PCDHGA4: variants seen among roughly 807,000 people sequenced by gnomAD.
PCDHGA4 encodes the protein protocadherin gamma subfamily A, 4.
PCDHGA4 carries 38 observed loss-of-function variants against 54.6 expected under a neutral mutation model. The observed-to-expected ratio is 0.70, with a 90% CI of 0.54 to 0.91. The LOEUF (loss-of-function observed/expected upper bound fraction) is 0.91. Among genes scored for constraint, PCDHGA4 ranks in the 40% least tolerant of loss-of-function variants. The pLI is 0.00. For synonymous variants in PCDHGA4, 511 were observed against 512.9 expected, an observed-to-expected ratio of 1.00 and a Z score of 0.05; for missense variants, 1,298 against 1,220.9, an observed-to-expected ratio of 1.06 and a Z score of -0.94.
At chr5:141,418,409 G>C in intron 1 of PCDHGA4, 4 of 1,613,910 alleles carry the variant, frequency 2.5e-6, no homozygotes, top group Admixed American at 1.7e-5. Context: ...GGTGGAGAAA[G>C]ACAATCCTGA....
At chr5:141,509,454 G>T (rs1164813611) in intron 3 of PCDHGA4, among the ~76,000 whole-genome samples, 2 of 151,976 alleles carry the variant, frequency 1.3e-5, no homozygotes, top group African/African-American at 2.4e-5. Flanking sequence ...TCCCACCCCC[G>T]ACCCAGTCAG....
At chr5:141,381,496 A>G (rs139374379) in intron 1 of PCDHGA4, among the ~76,000 whole-genome samples, 67 of 152,346 alleles carry the variant, frequency 4.4e-4, no homozygotes, top group African/African-American at 1.4e-3. Flanking sequence ...TCTCAATTAC[A>G]CTAGAATAGA....
intron 1 of PCDHGA4, chr5:141,478,111 A>G (rs2099430294): frequency 1.2e-6 from 2 of 1,613,982 alleles, no homozygotes; most frequent in Admixed American, 1.7e-5. Context: ...TCACTGTGTC[A>G]GTAACCGAGG....
At chr5:141,496,262 C>G (rs934511905) in intron 2 of PCDHGA4, among the ~76,000 whole-genome samples, 3 of 152,158 alleles carry the variant, frequency 2.0e-5, no homozygotes, top group African/African-American at 7.2e-5. Flanking sequence ...GAAACTTCAG[C>G]AGAAAGACCT....
intron 1 of PCDHGA4, chr5:141,375,976 C>T: frequency 6.2e-7 from 1 of 1,613,390 alleles, no homozygotes; most frequent in South Asian, 1.1e-5. Context: ...CGGCGCGCGC[C>T]CTGCTGGACA....
intron 1 of PCDHGA4, among the ~76,000 whole-genome samples, chr5:141,387,391 A>T (rs1029358024): frequency 4.6e-5 from 7 of 152,220 alleles, no homozygotes; most frequent in Non-Finnish European, 1.0e-4. Context: ...TAGATAGTGC[A>T]TGTTTGAAGA....
rs2099624335 is a variant in PCDHGA4 at position 141,486,093 on chromosome 5, C to T, written c.2515-8714C>T. On this transcript the variant is annotated intron_variant, in intron 1 of 3. Coordinates refer to ENST00000571252, the MANE Select transcript of PCDHGA4 (RefSeq NM_018917.4). This position sits in a 1 kb window ranked among gnomAD's most constrained non-coding sequence, Gnocchi z 5.0. ...ACTGGAAAGCTTACTCTTTTGGGGC[C>T]CCTAGACTTTGAGAGTGAGAATTAC... 1 of 1,614,112 alleles carries T rather than the reference C, an allele frequency of 6.2e-7. No homozygotes were observed. The highest frequency in any genetic ancestry group is 8.5e-7 in the Non-Finnish European group (1 of 1,180,008).
intron 1 of PCDHGA4, chr5:141,370,166 G>T: frequency 2.2e-6 from 1 of 458,978 alleles, no homozygotes; most frequent in East Asian, 3.2e-5. Flanking sequence ...CTGCAGCAGA[G>T]GCGCCGGGTG....
chr5:141,475,013 G>T (rs950376592), intron 1 of PCDHGA4, among the ~76,000 whole-genome samples: 1 of 152,176 alleles, frequency 6.6e-6, no homozygotes, highest in African/African-American at 2.4e-5. Context: ...AAAAGTTAAG[G>T]CTCTTTATTC....
At chr5:141,482,205 C>T (rs1478729653) in intron 1 of PCDHGA4, among the ~76,000 whole-genome samples, 1 of 151,896 alleles carries the variant, frequency 6.6e-6, no homozygotes, top group Non-Finnish European at 1.5e-5. Context: ...TAAAACAGAC[C>T]AGGTACTTGT....
At chr5:141,502,887 G>T (rs2099816882) in intron 2 of PCDHGA4, among the ~76,000 whole-genome samples, 1 of 40,910 alleles carries the variant, frequency 2.4e-5, no homozygotes, top group Non-Finnish European at 4.5e-5. Context: ...TTTTGACAGG[G>T]AGTCTAGCTC....
chr5:141,363,505 C>T (rs1762954025), intron 1 of PCDHGA4, among the ~76,000 whole-genome samples: 1 of 152,194 alleles, frequency 6.6e-6, no homozygotes, highest in Non-Finnish European at 1.5e-5. Flanking sequence ...AAACCCCATC[C>T]TCCACAGTTA....
chr5:141,508,867 G>A (rs2099872497), intron 3 of PCDHGA4, among the ~76,000 whole-genome samples: 1 of 152,108 alleles, frequency 6.6e-6, no homozygotes. Flanking sequence ...GGGAAAGGCT[G>A]AAGAGGCTGA....
At chr5:141,372,670 A>G (rs1383646459) in intron 1 of PCDHGA4, 4 of 1,613,908 alleles carry the variant, frequency 2.5e-6, no homozygotes, top group Non-Finnish European at 3.4e-6. Flanking sequence ...GCTGCCTCAC[A>G]TTCCTCAAAC....
At chr5:141,373,625 T>C (rs941241888) in intron 1 of PCDHGA4, among the ~76,000 whole-genome samples, 3 of 152,254 alleles carry the variant, frequency 2.0e-5, no homozygotes, top group African/African-American at 7.2e-5. Context: ...GATTGTAATA[T>C]TATTTCTGTT....
intron 1 of PCDHGA4, chr5:141,422,579 C>T: frequency 6.2e-7 from 1 of 1,614,052 alleles, no homozygotes; most frequent in Non-Finnish European, 8.5e-7. Flanking sequence ...GATAACCCTC[C>T]CGTTTTTCCT....
chr5:141,497,877 G>C (rs1057284578), intron 2 of PCDHGA4, among the ~76,000 whole-genome samples: 6 of 152,148 alleles, frequency 3.9e-5, no homozygotes, highest in Admixed American at 2.6e-4. Context: ...AGTGAAATAA[G>C]CGTTAGGATC....
At chr5:141,389,513 C>G (rs749432491) in intron 1 of PCDHGA4, 2 of 1,613,038 alleles carry the variant, frequency 1.2e-6, no homozygotes, top group African/African-American at 1.3e-5. Flanking sequence ...TCAGCGCGAA[C>G]GTGAGCCTGC....
chr5:141,482,588 C>T (rs559327092), intron 1 of PCDHGA4, among the ~76,000 whole-genome samples: 3 of 147,192 alleles, frequency 2.0e-5, no homozygotes, highest in Admixed American at 6.8e-5. Context: ...GCAGTGGGAC[C>T]AAACGGGAAA....
Sources: gnomAD v4.1 joint callset for allele counts (sites outside exome capture counted in the v4.1 genomes callset) on GRCh38, gnomAD v4.1.1 for gene constraint, Gnocchi (gnomAD v3.1) non-coding constraint, MANE v1.5 for transcripts, NCBI Gene and HGNC (gene_info 2026-07-23, HGNC 2026-07-21) for gene names.